ELF1: variants seen among roughly 807,000 people sequenced by gnomAD.
ELF1 encodes the protein E74 like ETS transcription factor 1.
In ELF1, 24 loss-of-function variants were observed where a neutral mutation model predicts 59.9. The observed-to-expected ratio is 0.40, with a 90% confidence interval of 0.29 to 0.56. The LOEUF (loss-of-function observed/expected upper bound fraction) is 0.56. Among genes scored for constraint, ELF1 ranks in the 20% least tolerant of loss-of-function variants. The pLI is 0.44. For missense variants in ELF1, 627 were observed against 742.2 expected (o/e 0.84, Z 1.80); for synonymous variants, 248 against 266.2 (o/e 0.93, Z 0.67).
intron 2 of ELF1, among the ~76,000 whole-genome samples, chr13:40,976,193 G>C (rs1372962327): frequency 6.6e-6 from 1 of 152,150 alleles, no homozygotes; most frequent in African/African-American, 2.4e-5. Flanking sequence ...AAAGCATTCT[G>C]GAAAATTACA....
rs997284337 is a variant in ELF1, at chr13:40,972,285, C to T, written c.72+9698G>A. On this transcript the variant is annotated intron_variant, in intron 2 of 8. Coordinates refer to ENST00000239882, the MANE Select transcript of ELF1 (RefSeq NM_172373.4). ...GGTATGGGAGAAATTAGTGGTACTC[C>T]AAAAAAACTGAACAACGCCAGGGCA... 2.6e-5 allele frequency among the ~76,000 whole-genome samples: 4 copies of T among 152,106 alleles called. No homozygotes were observed. The South Asian group carries it at 6.2e-4, about 24-fold the overall frequency.
rs74410049 is a variant in ELF1, at chr13:40,952,486, C to T, written c.254-1050G>A. On this transcript the variant is annotated intron_variant, in intron 3 of 8. Transcript: ENST00000239882. The stretch of plus-strand genomic sequence containing the variant: ...AAGCAATCCTACCACCTCAGCCTCC[C>T]GAGTAGACAGGACTACAGTCTCAGG... Among the ~76,000 whole-genome samples the T allele has an allele frequency of 3.1e-3, 465 of 151,912 alleles. 2 individuals carry two copies. Among genetic ancestry groups the T allele is most frequent in the African/African-American group, 0.011 (446 of 41,440 alleles).
chr13:40,940,386 G>GAAAAAAAAAAAA (rs375400990), intron 8 of ELF1, among the ~76,000 whole-genome samples: 4 of 109,874 alleles, frequency 3.6e-5, no homozygotes, highest in African/African-American at 1.9e-4. Flanking sequence ...TGATTTAACT[G>GAAAAAAAAAAAA]AAAAAAAAAA....
intron 5 of ELF1, among the ~76,000 whole-genome samples, 155 bp downstream of exon 5, chr13:40,949,651 G>A (rs1160185181): frequency 1.3e-5 from 2 of 152,136 alleles, no homozygotes; most frequent in Non-Finnish European, 2.9e-5. Flanking sequence ...CTCCGTGCCT[G>A]GCCAAGAAAT....
At chr13:40,986,323 C>T (rs768344671) in intron 1 of ELF1, among the ~76,000 whole-genome samples, 5 of 152,174 alleles carry the variant, frequency 3.3e-5, no homozygotes, top group Admixed American at 6.5e-5. Context: ...TTCTGTAAAA[C>T]GGGTAAAGTA....
intron 5 of ELF1, among the ~76,000 whole-genome samples, chr13:40,946,559 C>A (rs1870523343): frequency 6.6e-6 from 1 of 152,110 alleles, no homozygotes; most frequent in Admixed American, 6.5e-5. Context: ...GATCTTTTTT[C>A]AATAAAGTTA....
At chr13:40,980,469 C>T (rs1365986364) in intron 2 of ELF1, among the ~76,000 whole-genome samples, 1 of 152,118 alleles carries the variant, frequency 6.6e-6, no homozygotes, top group African/African-American at 2.4e-5. Context: ...GCAAAACAAA[C>T]TAAGTATATC....
intron 1 of ELF1, among the ~76,000 whole-genome samples, chr13:40,993,590 C>T (rs1037302423): frequency 6.6e-5 from 10 of 152,150 alleles, no homozygotes; most frequent in African/African-American, 2.2e-4. Flanking sequence ...AAGTGATCCT[C>T]CCGCTTCAGC....
At chr13:41,019,361 C>A (rs1875597791), upstream of ELF1, 14 of 985,210 alleles carry the variant, frequency 1.4e-5, no homozygotes, top group South Asian at 5.2e-4. Flanking sequence ...ATACATGAAA[C>A]CAAGTGTTTC....
At chr13:40,956,000 C>T (rs1291598391) in intron 3 of ELF1, among the ~76,000 whole-genome samples, 2 of 143,134 alleles carry the variant, frequency 1.4e-5, no homozygotes, top group Non-Finnish European at 3.2e-5. Context: ...AGGTGAGGGG[C>T]GCCTCTGCCT....
chr13:40,941,133 C>T lies in ELF1; in HGVS notation c.1044G>A (p.Gly348=), dbSNP rs772014679. 4 of 1,614,012 alleles carry T rather than the reference C, an allele frequency of 2.5e-6. No homozygotes were observed. Among genetic ancestry groups the T allele is most frequent in the African/African-American group, 2.7e-5 (2 of 74,896 alleles). The part of the protein sequence containing the change: ...KGGATTVLKP[G]NSKAAKPKDP... ...CTTTGGGTTTTGCAGCTTTAGAATT[C>T]CCTGGTTTTAGAACTGTAGTGGCTC... Residue 348 remains glycine (G), a synonymous_variant, in exon 8 of 9, where the codon GGG becomes GGA. Transcript: ENST00000239882.
At chr13:41,035,836 TAA>T (rs776051057) in intron 1 of ELF1, among the ~76,000 whole-genome samples, 15 of 148,734 alleles carry the variant, frequency 1.0e-4, no homozygotes, top group African/African-American at 3.7e-4. Context: ...AACTTCTTGT[TAA>T]AAAAAAAACA....
chr13:41,026,410 T>C (rs1050679112), intron 1 of ELF1, among the ~76,000 whole-genome samples: 13 of 152,116 alleles, frequency 8.5e-5, no homozygotes, highest in African/African-American at 3.1e-4. Flanking sequence ...GCTGCTAGTT[T>C]TGAGGGGGGC....
chr13:41,050,227 TATTC>T (rs1435473787), intron 1 of ELF1, among the ~76,000 whole-genome samples: 1 of 152,190 alleles, frequency 6.6e-6, no homozygotes, highest in African/African-American at 2.4e-5. Context: ...TCTATGAGAC[TATTC>T]TAGGTACCTC....
chr13:40,997,922 G>T (rs112431385), intron 1 of ELF1, among the ~76,000 whole-genome samples: 1 of 152,054 alleles, frequency 6.6e-6, no homozygotes, highest in Non-Finnish European at 1.5e-5. Flanking sequence ...AGGCCGAGGT[G>T]GTCAGATCAC....
At chr13:41,049,155 T>G (rs1407100916) in intron 1 of ELF1, among the ~76,000 whole-genome samples, 14 of 152,208 alleles carry the variant, frequency 9.2e-5, no homozygotes, top group Non-Finnish European at 1.6e-4. Flanking sequence ...GCTCAAAGTC[T>G]TCTTCTTACT....
At chr13:40,953,726 G>A (rs1871014044) in intron 3 of ELF1, among the ~76,000 whole-genome samples, 1 of 152,254 alleles carries the variant, frequency 6.6e-6, no homozygotes, top group East Asian at 1.9e-4. Context: ...TCTTCCCCTA[G>A]AGCTTCTCAA....
rs1402218970 is a variant in ELF1 at position 40,933,591 on chromosome 13, A to G, written c.1694T>C (p.Leu565Pro). The change falls in exon 9 of 9, where the codon CTT becomes CCT. Residue 565 changes from leucine to proline, a missense_variant. Coordinates refer to ENST00000239882, the MANE Select transcript of ELF1 (RefSeq NM_172373.4). The part of the protein sequence containing the change: ...SVIKTQETKT[L>P]TQEVEKKESE... The stretch of plus-strand genomic sequence containing the variant: ...TTCCTTTTTCTCTACTTCCTGTGTA[A>G]GAGTTTTTGTTTCTTGAGTTTTGAT... 4.3e-6 allele frequency: 7 copies of G among 1,613,950 alleles called. No homozygotes were observed. The highest frequency in any genetic ancestry group is 2.2e-5 in the South Asian group (2 of 91,080).
chr13:40,941,406 C>T (rs538389177), intron 7 of ELF1, 36 bp from the exon 8 acceptor site: 1 of 1,502,238 alleles, frequency 6.7e-7, no homozygotes, highest in African/African-American at 1.4e-5. Flanking sequence ...ATCAATCAAA[C>T]ATCAATTAAA....
Sources: allele counts gnomAD v4.1 joint callset (sites outside exome capture counted in the v4.1 genomes callset), GRCh38; gene constraint gnomAD v4.1.1; transcripts MANE v1.5; gene names NCBI Gene and HGNC (gene_info 2026-07-23, HGNC 2026-07-21).